The following EPN2 variants were observed in gnomAD, a reference collection of about 807,000 sequenced individuals.
The protein encoded by EPN2 is epsin-2.
A neutral mutation model predicts 61.7 loss-of-function variants in EPN2; 34 were observed. That is an observed-to-expected ratio of 0.55 (90% confidence interval 0.42 to 0.73). EPN2 has a LOEUF of 0.73. EPN2 is among the 30% of genes least tolerant of loss of function. The pLI, the probability that EPN2 is intolerant of heterozygous loss-of-function variation, is 0.00. For missense variants in EPN2, 714 were observed against 839.2 expected (o/e 0.85, Z 1.84); for synonymous variants, 349 against 353.6 (o/e 0.99, Z 0.15).
chr17:19,328,754 T>G lies in EPN2; in HGVS notation c.1191T>G (p.Thr397=), dbSNP rs745630269. The change falls in exon 8 of 11, where the codon ACT becomes ACG. Residue 397 remains threonine, a synonymous_variant. Coordinates refer to ENST00000314728, the MANE Select transcript of EPN2 (RefSeq NM_014964.5). ...AASIDPWGVP[T]GATVQSVPKN... Reference sequence around the variant, plus strand: ...CCATTGACCCATGGGGGGTGCCCACTGGAGCCACCGTACAATCTGTCCCCA... The same window carrying G: ...CCATTGACCCATGGGGGGTGCCCACGGGAGCCACCGTACAATCTGTCCCCA... 6.2e-6 allele frequency: 10 copies of G among 1,613,294 alleles called. No individual in the cohort carries two copies. The South Asian group carries it at 1.1e-4, about 18-fold the overall frequency.
Position 19,285,459 on chromosome 17 carries a change from G to A in EPN2, c.596-161G>A, listed in dbSNP as rs916010364. On this transcript the variant is annotated intron_variant, in intron 3 of 10. Transcript: ENST00000314728. The surrounding 1 kb of genome is among the most constrained non-coding windows in gnomAD (Gnocchi z 4.5). ...CTCAGACCTTACGCTTGAGCTGCAT[G>A]TTCAGGGTCAGAATGTGGTCAGTGG... Among the ~76,000 whole-genome samples the A allele has an allele frequency of 6.6e-6, 1 of 152,256 alleles. No homozygotes were observed. Among genetic ancestry groups the A allele is most frequent in the Non-Finnish European group, 1.5e-5 (1 of 68,044 alleles).
chr17:19,307,941 A>G, intron 4 of EPN2: 1 of 985,350 alleles, frequency 1.0e-6, no homozygotes, highest in Non-Finnish European at 1.2e-6. Context: ...GTTTCTCTCA[A>G]AGAGGAAAAC....
At chr17:19,310,855 G>C (rs1271792167) in intron 5 of EPN2, among the ~76,000 whole-genome samples, 1 of 152,146 alleles carries the variant, frequency 6.6e-6, no homozygotes, top group Admixed American at 6.5e-5. Flanking sequence ...TGAGAGTACA[G>C]TCTTGGGCCA....
intron 5 of EPN2, among the ~76,000 whole-genome samples, chr17:19,310,769 G>T (rs1455919932): frequency 6.6e-6 from 1 of 151,450 alleles, no homozygotes; most frequent in South Asian, 2.1e-4. Flanking sequence ...GTAGAGACAG[G>T]GTTTCACCAT....
At chr17:19,279,061 T>G (rs1405722672) in intron 1 of EPN2, among the ~76,000 whole-genome samples, 1 of 152,224 alleles carries the variant, frequency 6.6e-6, no homozygotes, top group Non-Finnish European at 1.5e-5. Context: ...AACCAGTATT[T>G]TATTATTTTA....
At chr17:19,330,350 C>T (rs1248483497) in intron 9 of EPN2, among the ~76,000 whole-genome samples, 2 of 152,148 alleles carry the variant, frequency 1.3e-5, no homozygotes, top group Non-Finnish European at 2.9e-5. Context: ...CCCCCAATTT[C>T]CCTACCACCT....
rs58087532 is a variant in EPN2, at chr17:19,289,724, G to GTT, written c.766+3953_766+3954dup. ...TGTTCGGCCTCACCTGGCGCTCATG[G>GTT]TTTTTTTTTTTTTTTTTTTTGAGAT... On this transcript the variant is annotated intron_variant, in intron 4 of 10. Transcript: ENST00000314728. 2.6e-4 allele frequency among the ~76,000 whole-genome samples: 20 copies of GTT among 78,046 alleles called. 3 individuals carry two copies. Among genetic ancestry groups the GTT allele is most frequent in the East Asian group, 1.7e-3 (3 of 1,734 alleles). 51.2% of individuals were successfully genotyped at this position (78,046 alleles called of 152,430 possible).
intron 4 of EPN2, among the ~76,000 whole-genome samples, chr17:19,304,248 C>T (rs1487655661): frequency 6.6e-6 from 1 of 152,198 alleles, no homozygotes; most frequent in African/African-American, 2.4e-5. Flanking sequence ...TGAGAAGTGG[C>T]AGGAACGTCC....
chr17:19,334,380 T>C lies in EPN2; in HGVS notation c.*126T>C. 1.4e-6 allele frequency: 1 copy of C among 734,564 alleles called. No individual in the cohort carries two copies. Among genetic ancestry groups the C allele is most frequent in the Non-Finnish European group, 2.0e-6 (1 of 512,636 alleles). The allele number at this position is 734,564 out of a possible 1,614,324, so 45.5% of individuals were successfully genotyped here. A position where few individuals can be genotyped will look rare whatever the true frequency, so the allele number is the denominator to read the frequency against. ...TTAGGGCTTTTCAGCTCCAGCTTCCTGATGAAAGGGCTGTCTTTACAGCCC... is the reference window on the plus strand; with the variant it reads ...TTAGGGCTTTTCAGCTCCAGCTTCCCGATGAAAGGGCTGTCTTTACAGCCC... On this transcript the variant is annotated 3_prime_UTR_variant, in exon 11 of 11. Transcript: ENST00000314728. This position sits in a 1 kb window ranked among gnomAD's most constrained non-coding sequence, Gnocchi z 4.9.
Position 19,242,728 on chromosome 17 carries a change from ATCTTC to A in EPN2, c.-294+5203_-294+5207del, listed in dbSNP as rs557660173. ...AGGGCTGTAAATAAAGGGACTCCCC[ATCTTC>A]TCTTCATGGTAACCCTGCTGATATA... On this transcript the variant is annotated intron_variant, in intron 1 of 10. Transcript: ENST00000314728. Among the ~76,000 whole-genome samples the A allele has an allele frequency of 5.9e-5, 9 of 152,344 alleles. No homozygotes were observed. In the East Asian group the frequency reaches 1.7e-3, roughly 29 times the overall value.
intron 9 of EPN2, 81 bp downstream of exon 9, chr17:19,329,728 C>A: frequency 1.2e-6 from 1 of 824,234 alleles, no homozygotes; most frequent in Non-Finnish European, 2.0e-6. Flanking sequence ...AATCAGCTTT[C>A]AAAACCCTTC....
intron 1 of EPN2, among the ~76,000 whole-genome samples, chr17:19,263,507 G>A (rs1428517156): frequency 2.0e-5 from 3 of 152,196 alleles, no homozygotes; most frequent in African/African-American, 7.2e-5. Flanking sequence ...ACAGAGAAGG[G>A]CAACCACATA....
chr17:19,290,737 G>A (rs1283022596), intron 4 of EPN2, among the ~76,000 whole-genome samples: 1 of 118,388 alleles, frequency 8.4e-6, no homozygotes, highest in Non-Finnish European at 1.9e-5. Flanking sequence ...AAAAAGGAAG[G>A]CAGGCAGAAT....
intron 4 of EPN2, among the ~76,000 whole-genome samples, chr17:19,296,362 G>A (rs1258392300): frequency 6.6e-6 from 1 of 152,044 alleles, no homozygotes; most frequent in Non-Finnish European, 1.5e-5. Flanking sequence ...TGTTGACCAG[G>A]CTGGTCTTGA....
rs145158772 is a variant in EPN2, at chr17:19,332,660, C to T, written c.1627+592C>T. Among the ~76,000 whole-genome samples the T allele has an allele frequency of 8.7e-3, 1,321 of 152,276 alleles. 6 individuals are homozygous for T. Among genetic ancestry groups the T allele is most frequent in the Non-Finnish European group, 0.015 (1,026 of 68,014 alleles). Reference sequence around the variant, plus strand: ...ACCCTTGTGACATCCAGCCCCTTGGCGCCCCTCAGCCTGTAGAGCCCTTCC... The same window carrying T: ...ACCCTTGTGACATCCAGCCCCTTGGTGCCCCTCAGCCTGTAGAGCCCTTCC... On this transcript the variant is annotated intron_variant, in intron 10 of 10. Transcript: ENST00000314728.
intron 1 of EPN2, among the ~76,000 whole-genome samples, chr17:19,267,190 C>A (rs1460431047): frequency 6.6e-6 from 1 of 151,678 alleles, no homozygotes; most frequent in African/African-American, 2.4e-5. Context: ...ATAGGGAAAT[C>A]CATAGGGAGT....
chr17:19,328,763 C>G lies in EPN2; in HGVS notation c.1200C>G (p.Thr400=). ...CATGGGGGGTGCCCACTGGAGCCAC[C>G]GTACAATCTGTCCCCAAGAACTCGG... ...IDPWGVPTGA[T]VQSVPKNSDP... Residue 400 remains threonine (T), a synonymous_variant, in exon 8 of 11, where the codon ACC becomes ACG. Coordinates refer to ENST00000314728, the MANE Select transcript of EPN2 (RefSeq NM_014964.5). 1 of 1,613,452 alleles carries G rather than the reference C, an allele frequency of 6.2e-7. No individual in the cohort carries two copies. The highest frequency in any genetic ancestry group is 1.3e-5 in the African/African-American group (1 of 75,022).
intron 1 of EPN2, among the ~76,000 whole-genome samples, chr17:19,269,605 CG>C (rs1410541888): frequency 2.0e-5 from 3 of 152,186 alleles, no homozygotes; most frequent in Non-Finnish European, 2.9e-5. Flanking sequence ...GTATTGCCAG[CG>C]TGTAGAACCT....
intron 7 of EPN2, among the ~76,000 whole-genome samples, chr17:19,319,463 T>A (rs1265962616): frequency 1.3e-5 from 2 of 151,456 alleles, no homozygotes; most frequent in East Asian, 4.0e-4. Flanking sequence ...CCCAAGTAGC[T>A]GAGATTACAG....
Sources: allele counts gnomAD v4.1 joint callset (sites outside exome capture counted in the v4.1 genomes callset), GRCh38; gene constraint gnomAD v4.1.1; non-coding constraint Gnocchi (gnomAD v3.1); transcripts MANE v1.5; gene names NCBI Gene and HGNC (gene_info 2026-07-23, HGNC 2026-07-21).